Variants in TRPM7 observed in about 807,000 individuals in gnomAD.
The protein encoded by TRPM7 is LTRPC ion channel family member 7.
In TRPM7, 134 loss-of-function variants were observed where a neutral mutation model predicts 229.7. That is an observed-to-expected ratio of 0.58 (90% CI 0.51 to 0.67). The LOEUF is 0.67. Ranked by LOEUF, TRPM7 falls within the 30% of genes least tolerant of loss-of-function variation. The pLI is 0.00. For missense variants in TRPM7, 1,901 were observed against 2,210.0 expected, an observed-to-expected ratio of 0.86 and a Z score of 2.80; for synonymous variants, 699 against 715.2, an observed-to-expected ratio of 0.98 and a Z score of 0.36.
intron 2 of TRPM7, among the ~76,000 whole-genome samples, chr15:50,661,786 G>GA (rs1341358796): frequency 2.6e-5 from 4 of 152,104 alleles, no homozygotes; most frequent in African/African-American, 9.7e-5. Context: ...AAGGAAGGAA[G>GA]ATTCAAAAAT....
chr15:50,678,897 G>A (rs552321130), intron 1 of TRPM7, among the ~76,000 whole-genome samples: 26 of 152,032 alleles, frequency 1.7e-4, no homozygotes, highest in Admixed American at 3.9e-4. Flanking sequence ...TTTTTGAGAC[G>A]AAGTCTCGCT....
At chr15:50,661,853 G>C (rs907565898) in intron 2 of TRPM7, among the ~76,000 whole-genome samples, 1 of 152,198 alleles carries the variant, frequency 6.6e-6, no homozygotes, top group Admixed American at 6.5e-5. Flanking sequence ...ATGAAGAAAA[G>C]TGCTCTATAG....
chr15:50,663,570 A>G (rs537843251), intron 1 of TRPM7, among the ~76,000 whole-genome samples: 5 of 152,128 alleles, frequency 3.3e-5, no homozygotes, highest in Admixed American at 3.3e-4. Flanking sequence ...TGTAGATACT[A>G]TTGCTTCAAA....
intron 7 of TRPM7, 31 bp downstream of exon 7, chr15:50,637,391 T>C: frequency 6.2e-7 from 1 of 1,600,418 alleles, no homozygotes; most frequent in African/African-American, 1.3e-5. Context: ...CAGGACAATT[T>C]CAACAATAAC....
chr15:50,592,150 G>A lies in TRPM7; in HGVS notation c.4085C>T (p.Pro1362Leu), dbSNP rs896432741. 1.2e-5 allele frequency: 20 copies of A among 1,613,708 alleles called. No individual in the cohort carries two copies. The highest frequency in any genetic ancestry group is 1.7e-5 in the Admixed American group (1 of 59,938). The change falls in exon 26 of 39, where the codon CCT becomes CTT. Residue 1362 changes from proline (P) to leucine (L), a missense_variant. Pro to Leu is a moderately conservative substitution (Grantham distance 98, BLOSUM62 -3). Transcript: ENST00000646667. ...ATGTAGTCTCTGTCGCAGTTCTGGA[G>A]GGGAAACAGCACTTGGGAATAAGGC... ...SGALFPSAVS[P>L]PELRQRLHGV...
chr15:50,604,818 TA>T (rs776336120), intron 21 of TRPM7, 47 bp downstream of exon 21: 1 of 1,498,588 alleles, frequency 6.7e-7, no homozygotes, highest in Non-Finnish European at 8.9e-7. Flanking sequence ...TGTGATTTTT[TA>T]AAAAATCAAT....
rs191864687 is a variant in TRPM7, at chr15:50,610,826, A to G, written c.2280+267T>C. 1.7e-3 allele frequency among the ~76,000 whole-genome samples: 254 copies of G among 152,202 alleles called. 1 individual carries two copies. The highest frequency in any genetic ancestry group is 5.6e-3 in the African/African-American group (232 of 41,566). On this transcript the variant is annotated intron_variant, in intron 17 of 38. Transcript: ENST00000646667. ...TTTTTCAAGGCTGCTAGGGGCCATA[A>G]TCTCCAATATTTGCCATTTGTTCCC...
At chr15:50,684,500 G>A (rs913103816) in intron 1 of TRPM7, among the ~76,000 whole-genome samples, 2 of 152,042 alleles carry the variant, frequency 1.3e-5, no homozygotes, top group Non-Finnish European at 2.9e-5. Flanking sequence ...AATTAGCCGG[G>A]TGTGGTGGCT....
At chr15:50,573,385 C>G (rs1481720369) in intron 36 of TRPM7, among the ~76,000 whole-genome samples, 3 of 152,208 alleles carry the variant, frequency 2.0e-5, no homozygotes, top group Non-Finnish European at 4.4e-5. Flanking sequence ...GCCATGTAGA[C>G]AGAGAACACT....
intron 1 of TRPM7, among the ~76,000 whole-genome samples, chr15:50,673,819 TA>T (rs1360545357): frequency 6.6e-6 from 1 of 152,220 alleles, no homozygotes; most frequent in African/African-American, 2.4e-5. Context: ...TATCAAATGG[TA>T]TCCTAAGGAA....
intron 19 of TRPM7, among the ~76,000 whole-genome samples, chr15:50,607,968 T>A (rs890782076): frequency 6.7e-6 from 1 of 149,024 alleles, no homozygotes; most frequent in Non-Finnish European, 1.5e-5. Flanking sequence ...GGCACAAGAA[T>A]TGCTTGAACC....
At chr15:50,656,243 A>AT (rs1318655677) in intron 3 of TRPM7, among the ~76,000 whole-genome samples, 5 of 152,160 alleles carry the variant, frequency 3.3e-5, no homozygotes, top group Non-Finnish European at 7.4e-5. Flanking sequence ...AGAAGAAATG[A>AT]AAAGGACTGG....
At chr15:50,640,435 C>T (rs115930023) in intron 5 of TRPM7, among the ~76,000 whole-genome samples, 1 of 150,600 alleles carries the variant, frequency 6.6e-6, no homozygotes, top group South Asian at 2.1e-4. Context: ...TACCACCATG[C>T]CGGGGTAATT....
intron 28 of TRPM7, among the ~76,000 whole-genome samples, chr15:50,585,684 A>C (rs1466394940): frequency 6.6e-6 from 1 of 152,230 alleles, no homozygotes; most frequent in Non-Finnish European, 1.5e-5. Flanking sequence ...GCATTGCTGA[A>C]TTCAGTATGC....
Position 50,607,249 on chromosome 15 carries a change from C to T in TRPM7, c.2660G>A (p.Trp887Ter). ...AGTAAAAATATAAGCAATAACAATC[C>T]ATTCTTGAACTGAAGGTAACTGTTC... ...QMEQLPSVQE[W>*]IVIAYIFTYA... The change falls in exon 20 of 39, where the codon TGG becomes TAG. Residue 887 changes from tryptophan (W) to a stop codon, truncating the protein, a stop_gained. Transcript: ENST00000646667. LOFTEE classifies it high-confidence loss of function. The T allele has an allele frequency of 6.2e-7, 1 of 1,610,532 alleles. No homozygotes were observed. The highest frequency in any genetic ancestry group is 8.5e-7 in the Non-Finnish European group (1 of 1,178,166).
chr15:50,617,175 T>TAAATA (rs1047796105), intron 13 of TRPM7, among the ~76,000 whole-genome samples: 4 of 129,108 alleles, frequency 3.1e-5, no homozygotes, highest in Admixed American at 2.3e-4. Context: ...AATAAATAAA[T>TAAATA]AAATAAAATA....
intron 12 of TRPM7, among the ~76,000 whole-genome samples, chr15:50,623,697 C>G (rs192909984): frequency 6.7e-6 from 1 of 149,284 alleles, no homozygotes; most frequent in East Asian, 2.0e-4. Flanking sequence ...GTCTTTGTTA[C>G]GAGAATAGTA....
chr15:50,626,777 T>C (rs1323630860), intron 11 of TRPM7, among the ~76,000 whole-genome samples: 1 of 149,210 alleles, frequency 6.7e-6, no homozygotes, highest in African/African-American at 2.5e-5. Context: ...TATTGCTATA[T>C]AGGAAATACA....
intron 1 of TRPM7, among the ~76,000 whole-genome samples, chr15:50,678,249 A>C (rs1357605449): frequency 8.0e-6 from 1 of 125,630 alleles, no homozygotes; most frequent in Non-Finnish European, 1.7e-5. Flanking sequence ...CAAAAAAAAA[A>C]AACAAAAACA....
Sources: gnomAD v4.1 joint callset for allele counts (sites outside exome capture counted in the v4.1 genomes callset) on GRCh38, gnomAD v4.1.1 for gene constraint, MANE v1.5 for transcripts, NCBI Gene and HGNC (gene_info 2026-07-23, HGNC 2026-07-21) for gene names.